The following SCHIP1 variants were observed in gnomAD, a reference collection of about 807,000 sequenced individuals.
SCHIP1 encodes schwannomin-interacting protein 1.
In SCHIP1, 8 loss-of-function variants were observed where a neutral mutation model predicts 29.7. The ratio of observed to expected loss-of-function variants is 0.27; its 90% CI spans 0.16 to 0.49. SCHIP1 has a LOEUF of 0.49. SCHIP1 is among the 20% of genes least tolerant of loss of function. The pLI is 0.99. For synonymous variants in SCHIP1, 76 were observed against 94.9 expected, an observed-to-expected ratio of 0.80 and a Z score of 1.16; for missense variants, 193 against 294.6, an observed-to-expected ratio of 0.66 and a Z score of 2.52.
the SCHIP1 span, among the ~76,000 whole-genome samples, chr3:159,665,047 C>T: frequency 6.6e-6 from 1 of 152,206 alleles, no homozygotes; most frequent in South Asian, 2.1e-4. Flanking sequence ...CTGCACATTA[C>T]AATCACCGGG....
At chr3:159,391,525 A>G in the SCHIP1 span, among the ~76,000 whole-genome samples, 14 of 152,296 alleles carry the variant, frequency 9.2e-5, no homozygotes, top group Admixed American at 3.3e-4. Context: ...TTTACAATGT[A>G]TATCTGTATA....
At chr3:159,819,383 A>G in the SCHIP1 span, among the ~76,000 whole-genome samples, 1 of 152,122 alleles carries the variant, frequency 6.6e-6, no homozygotes. Flanking sequence ...ACTTAAGGGG[A>G]AGGGAATTAA....
At chr3:159,857,664 A>G (rs1208071544) in intron 1 of SCHIP1, among the ~76,000 whole-genome samples, 1 of 152,040 alleles carries the variant, frequency 6.6e-6, no homozygotes, top group Non-Finnish European at 1.5e-5. Flanking sequence ...TGTTCCAGAC[A>G]TTTCTGGCTC....
At chr3:159,432,286 ATGTGTGTG>A in the SCHIP1 span, among the ~76,000 whole-genome samples, 10,285 of 107,516 alleles carry the variant, frequency 0.096, 580 homozygotes, top group Middle Eastern at 0.2. Context: ...AGAGTAGGTG[ATGTGTGTG>A]TGTGTGTGTG....
the SCHIP1 span, among the ~76,000 whole-genome samples, chr3:159,771,268 G>A: frequency 6.6e-6 from 1 of 152,174 alleles, no homozygotes; most frequent in African/African-American, 2.4e-5. Context: ...TATTTCCTTA[G>A]TTACTTGGGC....
At chr3:159,733,019 T>C in the SCHIP1 span, among the ~76,000 whole-genome samples, 1 of 152,094 alleles carries the variant, frequency 6.6e-6, no homozygotes, top group Non-Finnish European at 1.5e-5. Flanking sequence ...ACTAAATAAA[T>C]AAACAAGACT....
the SCHIP1 span, among the ~76,000 whole-genome samples, chr3:159,551,539 T>A: frequency 6.6e-6 from 1 of 152,276 alleles, no homozygotes; most frequent in South Asian, 2.1e-4. Context: ...ATCTATAAAA[T>A]TGTTATTTCA....
the SCHIP1 span, among the ~76,000 whole-genome samples, chr3:159,667,083 C>G: frequency 1.3e-5 from 2 of 152,158 alleles, no homozygotes; most frequent in Non-Finnish European, 2.9e-5. Flanking sequence ...ACAGTAAGCC[C>G]TCAGTATATG....
At chr3:159,734,919 C>T in the SCHIP1 span, among the ~76,000 whole-genome samples, 1 of 151,924 alleles carries the variant, frequency 6.6e-6, no homozygotes, top group Non-Finnish European at 1.5e-5. Flanking sequence ...CCCCTGTGCC[C>T]ATTCCCTTCA....
chr3:159,360,688 T>C, the SCHIP1 span, among the ~76,000 whole-genome samples: 1 of 152,240 alleles, frequency 6.6e-6, no homozygotes, highest in Non-Finnish European at 1.5e-5. Context: ...GTTCATTCTT[T>C]GTGACATGAG....
At chr3:159,350,819 T>A in the SCHIP1 span, among the ~76,000 whole-genome samples, 1 of 152,146 alleles carries the variant, frequency 6.6e-6, no homozygotes, top group Non-Finnish European at 1.5e-5. Context: ...GCACTATTAT[T>A]AACTATAGCC....
the SCHIP1 span, among the ~76,000 whole-genome samples, chr3:159,277,501 G>T: frequency 1.3e-5 from 2 of 151,844 alleles, no homozygotes; most frequent in African/African-American, 4.8e-5. Flanking sequence ...ACCTGTGAAT[G>T]GAATAATAAT....
the SCHIP1 span, among the ~76,000 whole-genome samples, chr3:159,361,230 A>G: frequency 2.0e-5 from 3 of 152,250 alleles, no homozygotes; most frequent in African/African-American, 7.2e-5. Context: ...GTGCTACAGG[A>G]TGATATGGTT....
At chr3:159,466,266 A>G in the SCHIP1 span, among the ~76,000 whole-genome samples, 1 of 152,110 alleles carries the variant, frequency 6.6e-6, no homozygotes, top group Non-Finnish European at 1.5e-5. Flanking sequence ...TGGGAAGATC[A>G]TGATTGTGCT....
the SCHIP1 span, among the ~76,000 whole-genome samples, chr3:159,453,884 A>G: frequency 3.3e-5 from 5 of 152,182 alleles, no homozygotes; most frequent in African/African-American, 1.2e-4. Context: ...AATACAGCAC[A>G]TGCTCCTACT....
the SCHIP1 span, among the ~76,000 whole-genome samples, chr3:159,832,156 A>G: frequency 6.6e-6 from 1 of 152,128 alleles, no homozygotes; most frequent in Admixed American, 6.5e-5. Flanking sequence ...TTTAACCTGC[A>G]GCAGCTCCAA....
the SCHIP1 span, among the ~76,000 whole-genome samples, chr3:159,606,434 C>T: frequency 6.6e-6 from 1 of 152,102 alleles, no homozygotes; most frequent in African/African-American, 2.4e-5. Flanking sequence ...TCCAACCAGC[C>T]CACAGACAGC....
the SCHIP1 span, among the ~76,000 whole-genome samples, chr3:159,445,543 C>T: frequency 6.6e-6 from 1 of 152,028 alleles, no homozygotes; most frequent in Non-Finnish European, 1.5e-5. Flanking sequence ...ACCCAAAGGA[C>T]TATAAATTAT....
the SCHIP1 span, among the ~76,000 whole-genome samples, chr3:159,556,992 C>T: frequency 3.3e-5 from 5 of 150,528 alleles, no homozygotes; most frequent in South Asian, 2.1e-4. Context: ...GAGTCTTGCT[C>T]TGCCGCCCAG....
Sources: allele counts gnomAD v4.1 joint callset (sites outside exome capture counted in the v4.1 genomes callset), GRCh38; gene constraint gnomAD v4.1.1; transcripts MANE v1.5; gene names NCBI Gene and HGNC (gene_info 2026-07-23, HGNC 2026-07-21).